Variants in TOX2 observed in about 807,000 individuals in gnomAD.
The protein encoded by TOX2 is granulosa cell HMG box 1.
In TOX2, 15 loss-of-function variants were observed where a neutral mutation model predicts 47.4. The observed-to-expected ratio is 0.32, with a 90% CI of 0.21 to 0.49. TOX2 has a LOEUF of 0.49. Among genes scored for constraint, TOX2 ranks in the 20% least tolerant of loss-of-function variants. TOX2 has a pLI of 0.99. For missense variants in TOX2, 622 were observed against 673.1 expected (o/e 0.92, Z 0.84); for synonymous variants, 290 against 296.6 (o/e 0.98, Z 0.23).
chr20:43,930,952 C>T (rs113893932), intron 1 of TOX2, among the ~76,000 whole-genome samples: 46 of 152,252 alleles, frequency 3.0e-4, no homozygotes, highest in Non-Finnish European at 5.3e-4. Flanking sequence ...TCTACCTATT[C>T]CTGATGTTTA....
intron 1 of TOX2, among the ~76,000 whole-genome samples, chr20:43,936,651 C>T (rs2069330155): frequency 6.6e-6 from 1 of 152,186 alleles, no homozygotes; most frequent in African/African-American, 2.4e-5. Flanking sequence ...AGCAGGCTAG[C>T]TCGGGCATGT....
At chr20:44,032,372 G>A (rs1013176141) in intron 3 of TOX2, among the ~76,000 whole-genome samples, 4 of 152,218 alleles carry the variant, frequency 2.6e-5, no homozygotes, top group African/African-American at 7.2e-5. Flanking sequence ...TGCCAGGAGC[G>A]TCCCCGCGGT....
At chr20:43,964,770 G>A (rs1407716818) in intron 1 of TOX2, among the ~76,000 whole-genome samples, 2 of 152,166 alleles carry the variant, frequency 1.3e-5, no homozygotes, top group African/African-American at 4.8e-5. Flanking sequence ...GGGATTTCTA[G>A]GGGGTTCCAG....
chr20:44,010,638 C>T (rs1038918500), intron 3 of TOX2, among the ~76,000 whole-genome samples: 2 of 152,146 alleles, frequency 1.3e-5, no homozygotes, highest in African/African-American at 2.4e-5. Flanking sequence ...TGGGCATACA[C>T]GCTACGTGGG....
At chr20:43,934,269 C>T (rs2069295212) in intron 1 of TOX2, among the ~76,000 whole-genome samples, 1 of 151,924 alleles carries the variant, frequency 6.6e-6, no homozygotes, top group Non-Finnish European at 1.5e-5. Context: ...CTCCAAGAAG[C>T]ATAGGAGGAG....
intron 3 of TOX2, among the ~76,000 whole-genome samples, chr20:44,009,367 A>T (rs1043289479): frequency 6.0e-5 from 9 of 151,218 alleles, no homozygotes; most frequent in African/African-American, 1.9e-4. Context: ...GAGGAAACCA[A>T]CTCGAGATCC....
intron 2 of TOX2, among the ~76,000 whole-genome samples, chr20:43,988,730 T>C (rs2070315586): frequency 6.6e-6 from 1 of 152,204 alleles, no homozygotes; most frequent in Non-Finnish European, 1.5e-5. Flanking sequence ...AGCCTACTGG[T>C]ACACATGCTG....
intron 1 of TOX2, among the ~76,000 whole-genome samples, chr20:43,947,967 G>A (rs2069499928): frequency 6.6e-6 from 1 of 152,200 alleles, no homozygotes; most frequent in Non-Finnish European, 1.5e-5. Flanking sequence ...CCAGGTTTAA[G>A]ACCTTGTTTT....
Position 43,952,108 on chromosome 20 carries a change from A to G in TOX2, c.100-21259A>G, listed in dbSNP as rs145179439. Among the ~76,000 whole-genome samples the G allele has an allele frequency of 7.6e-3, 1,150 of 151,704 alleles. 21 individuals carry two copies. Among genetic ancestry groups the G allele is most frequent in the African/African-American group, 0.025 (1,034 of 41,342 alleles). On this transcript the variant is annotated intron_variant, in intron 1 of 8. Coordinates refer to ENST00000341197, the MANE Select transcript of TOX2 (RefSeq NM_001098797.2). Reference sequence around the variant, plus strand: ...AGTAGAGATGGGGTTTCACCATGTTAGCCAGGATGGTCTCGATCTCCTGAC... The same window carrying G: ...AGTAGAGATGGGGTTTCACCATGTTGGCCAGGATGGTCTCGATCTCCTGAC...
At chr20:43,927,177 T>C (rs905694665) in intron 1 of TOX2, among the ~76,000 whole-genome samples, 3 of 152,194 alleles carry the variant, frequency 2.0e-5, no homozygotes, top group Non-Finnish European at 4.4e-5. Flanking sequence ...CCAGTTCAAA[T>C]GCAACTTACC....
chr20:43,978,324 A>C (rs1421748241), intron 2 of TOX2, among the ~76,000 whole-genome samples: 1 of 151,904 alleles, frequency 6.6e-6, no homozygotes, highest in African/African-American at 2.4e-5. Flanking sequence ...CCAAATCTTT[A>C]CTCAGCTCCT....
Position 43,914,859 on chromosome 20 carries a change from G to A in TOX2, c.-33G>A. On this transcript the variant is annotated 5_prime_UTR_variant, in exon 1 of 9. Coordinates refer to ENST00000341197, the MANE Select transcript of TOX2 (RefSeq NM_001098797.2). The surrounding 1 kb of genome is among the most constrained non-coding windows in gnomAD (Gnocchi z 4.5). ...CCCGCCGCCCGCCCAGGCACTGCCC[G>A]CGGGAGCCGCCGCCGCCGCCGCCGC... 2.1e-6 allele frequency: 2 copies of A among 944,098 alleles called. No homozygotes were observed. The highest frequency in any genetic ancestry group is 4.7e-5 in the South Asian group (1 of 21,192). 58.5% of individuals were successfully genotyped at this position (944,098 alleles called of 1,614,324 possible).
At chr20:44,012,838 A>G (rs1329772622) in intron 3 of TOX2, among the ~76,000 whole-genome samples, 1 of 152,226 alleles carries the variant, frequency 6.6e-6, no homozygotes, top group African/African-American at 2.4e-5. Context: ...CAAATGCAGT[A>G]CTTAGTGCTG....
intron 1 of TOX2, among the ~76,000 whole-genome samples, chr20:43,959,716 T>C (rs2069726358): frequency 6.6e-6 from 1 of 152,238 alleles, no homozygotes; most frequent in African/African-American, 2.4e-5. Flanking sequence ...CAACCCGACG[T>C]ACGCTCATGC....
chr20:43,921,352 G>T lies in TOX2; in HGVS notation c.99+6362G>T, dbSNP rs143713784. 4.3e-4 allele frequency among the ~76,000 whole-genome samples: 65 copies of T among 152,288 alleles called. No individual in the cohort carries two copies. In the East Asian group the frequency reaches 0.011, roughly 27 times the overall value. ...CTAGAGTTGGTCTCAGGATATGAAG[G>T]CATCATGGATTCTGGAACCTGGCAG... On this transcript the variant is annotated intron_variant, in intron 1 of 8. Coordinates refer to ENST00000341197, the MANE Select transcript of TOX2 (RefSeq NM_001098797.2).
chr20:43,967,688 C>T (rs142515256), intron 1 of TOX2, among the ~76,000 whole-genome samples: 23 of 152,220 alleles, frequency 1.5e-4, no homozygotes, highest in African/African-American at 4.6e-4. Context: ...TGTCCATCCA[C>T]CCATCTCATT....
chr20:43,966,564 C>G (rs2069857155), intron 1 of TOX2, among the ~76,000 whole-genome samples: 1 of 151,964 alleles, frequency 6.6e-6, no homozygotes, highest in Admixed American at 6.6e-5. Context: ...TCGAGATCAG[C>G]CTGGTCAACG....
Position 43,981,457 on chromosome 20 carries a change from C to T in TOX2, c.165+8025C>T, listed in dbSNP as rs61523042. ...TAAGTGCTTGCATTTGATTAAATAA[C>T]CTTGGAAGGATACATGGACGCTAGA... is the stretch of plus-strand genomic sequence containing the variant. On this transcript the variant is annotated intron_variant, in intron 2 of 8. Transcript: ENST00000341197. Among the ~76,000 whole-genome samples, 39 of 152,196 alleles carry T rather than the reference C, an allele frequency of 2.6e-4. No homozygotes were observed. The East Asian group carries it at 6.2e-3, about 24-fold the overall frequency.
chr20:43,928,998 A>AAG (rs2069216642), intron 1 of TOX2, among the ~76,000 whole-genome samples: 1 of 145,220 alleles, frequency 6.9e-6, no homozygotes, highest in Admixed American at 6.7e-5. Flanking sequence ...AAAAAAAAAA[A>AAG]ACAACAACAA....
Sources: gnomAD v4.1 joint callset for allele counts (sites outside exome capture counted in the v4.1 genomes callset) on GRCh38, gnomAD v4.1.1 for gene constraint, Gnocchi (gnomAD v3.1) non-coding constraint, MANE v1.5 for transcripts, NCBI Gene and HGNC (gene_info 2026-07-23, HGNC 2026-07-21) for gene names.